Variants in DYM observed in about 807,000 individuals in gnomAD.
DYM encodes dymeclin.
DYM carries 78 observed loss-of-function variants against 93.1 expected under a neutral mutation model. The ratio of observed to expected loss-of-function variants is 0.84; its 90% CI spans 0.70 to 1.01. The LOEUF is 1.01. DYM is among the 50% of genes least tolerant of loss of function. The pLI is 0.00. For synonymous variants in DYM, 321 were observed against 319.7 expected, an observed-to-expected ratio of 1.00 and a Z score of -0.04; for missense variants, 789 against 845.0, an observed-to-expected ratio of 0.93 and a Z score of 0.82.
intron 8 of DYM, among the ~76,000 whole-genome samples, chr18:49,327,246 G>A (rs1054944767): frequency 7.9e-5 from 12 of 152,002 alleles, no homozygotes; most frequent in Non-Finnish European, 1.5e-4. Context: ...TTAAGTAGGA[G>A]AATGCAGATA....
intron 2 of DYM, among the ~76,000 whole-genome samples, chr18:49,397,224 CTAT>C (rs1209722748): frequency 1.3e-5 from 2 of 152,118 alleles, no homozygotes; most frequent in Admixed American, 6.6e-5. Context: ...AAAATGATAA[CTAT>C]TATTGATTCC....
intron 6 of DYM, among the ~76,000 whole-genome samples, chr18:49,356,897 C>T (rs2147257408): frequency 6.6e-6 from 1 of 152,170 alleles, no homozygotes; most frequent in East Asian, 1.9e-4. Flanking sequence ...CAAATATTTC[C>T]AAAATGGATT....
chr18:49,428,103 A>T (rs1377049723), intron 2 of DYM, among the ~76,000 whole-genome samples: 1 of 152,152 alleles, frequency 6.6e-6, no homozygotes, highest in Non-Finnish European at 1.5e-5. Context: ...AAAAAAAAGA[A>T]AAAAAGGAAT....
intron 13 of DYM, among the ~76,000 whole-genome samples, chr18:49,213,692 T>C (rs2092899419): frequency 6.6e-6 from 1 of 152,224 alleles, no homozygotes; most frequent in African/African-American, 2.4e-5. Context: ...AACCTTTACC[T>C]AGACTGATAA....
At chr18:49,169,168 C>G (rs763606079) in intron 14 of DYM, among the ~76,000 whole-genome samples, 1 of 152,296 alleles carries the variant, frequency 6.6e-6, no homozygotes, top group East Asian at 1.9e-4. Context: ...CCAGAGGGCG[C>G]AGTCAGGTGA....
At chr18:49,284,401 T>C (rs1435233503) in intron 9 of DYM, among the ~76,000 whole-genome samples, 7 of 152,190 alleles carry the variant, frequency 4.6e-5, no homozygotes, top group Non-Finnish European at 1.0e-4. Flanking sequence ...TTTTGCTTCA[T>C]TGTACTACAT....
chr18:49,331,867 C>A lies in DYM; in HGVS notation c.760G>T (p.Ala254Ser), dbSNP rs769012833. The change falls in exon 8 of 18, where the codon GCA becomes TCA. Residue 254 changes from alanine to serine, a missense_variant. By Grantham distance (99) the Ala-to-Ser change is moderately conservative. This residue lies in a region of DYM where 450 missense variants were observed against 436.2 expected (regional missense o/e 1.03). Transcript: ENST00000675505. ...GAAAAAATCTGATAAAACTTACTTG[C>A]TACTCCTGATGCAAGTCCATAAAGC... Reference protein sequence around the residue: ...GLLYGLASGVATGLWTVFTLG... With the variant: ...GLLYGLASGVSTGLWTVFTLG... The A allele has an allele frequency of 4.3e-6, 7 of 1,613,914 alleles. No homozygotes were observed. Among genetic ancestry groups the A allele is most frequent in the Non-Finnish European group, 5.9e-6 (7 of 1,179,982 alleles).
intron 17 of DYM, among the ~76,000 whole-genome samples, chr18:49,091,318 G>A (rs1480902328): frequency 6.6e-6 from 1 of 152,164 alleles, no homozygotes; most frequent in Non-Finnish European, 1.5e-5. Context: ...TGACAATGCT[G>A]CGGAACAAGA....
At chr18:49,217,364 G>A (rs952390343) in intron 13 of DYM, among the ~76,000 whole-genome samples, 9 of 152,148 alleles carry the variant, frequency 5.9e-5, no homozygotes, top group Admixed American at 1.3e-4. Flanking sequence ...CCCCAATCTA[G>A]CAAGGCAGGC....
At chr18:49,266,168 T>C (rs1028198342) in intron 11 of DYM, among the ~76,000 whole-genome samples, 2 of 151,916 alleles carry the variant, frequency 1.3e-5, no homozygotes, top group African/African-American at 4.8e-5. Flanking sequence ...TGAAAAGAAG[T>C]GTGGAATTAA....
At chr18:49,353,265 G>A (rs998929654) in intron 6 of DYM, among the ~76,000 whole-genome samples, 3 of 151,994 alleles carry the variant, frequency 2.0e-5, no homozygotes, top group South Asian at 2.1e-4. Context: ...AAAATACATC[G>A]TAAAACTTTA....
At chr18:49,442,902 G>C (rs1285275442) in intron 1 of DYM, among the ~76,000 whole-genome samples, 2 of 151,224 alleles carry the variant, frequency 1.3e-5, no homozygotes, top group Non-Finnish European at 2.9e-5. Flanking sequence ...CTGTCACCCA[G>C]GGTGGAGTGC....
chr18:49,077,580 G>A (rs2077414235), intron 17 of DYM, among the ~76,000 whole-genome samples: 1 of 152,214 alleles, frequency 6.6e-6, no homozygotes, highest in Non-Finnish European at 1.5e-5. Flanking sequence ...ACCAGTTGCT[G>A]AGGGAGGGTT....
chr18:49,289,729 ATATATATAT>A (rs2059926403), intron 8 of DYM, among the ~76,000 whole-genome samples: 1 of 20,160 alleles, frequency 5.0e-5, no homozygotes, highest in African/African-American at 2.6e-4. Flanking sequence ...ATATATGTGT[ATATATATAT>A]ATATATATAT....
intron 11 of DYM, among the ~76,000 whole-genome samples, chr18:49,264,837 T>C (rs545144452): frequency 6.6e-6 from 1 of 152,254 alleles, no homozygotes; most frequent in African/African-American, 2.4e-5. Flanking sequence ...ATTGAACAAA[T>C]AGACTAGAGC....
chr18:49,384,624 C>CAAA (rs67349630), intron 3 of DYM, among the ~76,000 whole-genome samples: 17 of 126,830 alleles, frequency 1.3e-4, no homozygotes, highest in East Asian at 4.6e-4. Context: ...CACTCCATCT[C>CAAA]AAAAAAAAAA....
chr18:49,312,251 CAA>C (rs1292305869), intron 8 of DYM, among the ~76,000 whole-genome samples: 2 of 152,142 alleles, frequency 1.3e-5, no homozygotes, highest in Non-Finnish European at 2.9e-5. Flanking sequence ...ACCTCTAAGC[CAA>C]AGAGAGTTTA....
chr18:49,410,974 G>C (rs1357910638), intron 2 of DYM, among the ~76,000 whole-genome samples: 4 of 152,072 alleles, frequency 2.6e-5, no homozygotes, highest in Non-Finnish European at 4.4e-5. Flanking sequence ...CTTGCATTTT[G>C]TACAGGCCTA....
chr18:49,134,032 T>C (rs566441883), intron 15 of DYM, among the ~76,000 whole-genome samples: 3 of 152,254 alleles, frequency 2.0e-5, no homozygotes, highest in East Asian at 3.9e-4. Context: ...TAACTAACTT[T>C]GAAATGCATA....
Sources: allele counts gnomAD v4.1 joint callset (sites outside exome capture counted in the v4.1 genomes callset), GRCh38; gene constraint gnomAD v4.1.1; regional missense constraint gnomAD v4.1.1; transcripts MANE v1.5; gene names NCBI Gene and HGNC (gene_info 2026-07-23, HGNC 2026-07-21).